The following LRRN3 variants were observed in gnomAD, a reference collection of about 807,000 sequenced individuals.
The protein encoded by LRRN3 is leucine-rich repeat neuronal protein 3.
A neutral mutation model predicts 40.1 loss-of-function variants in LRRN3; 15 were observed. The ratio of observed to expected loss-of-function variants is 0.37; its 90% CI spans 0.25 to 0.58. The LOEUF is 0.58. LRRN3 is among the 20% of genes least tolerant of loss of function. The probability of loss-of-function intolerance (pLI) is 0.72; values close to 1 mark genes in which losing one functional copy is unlikely to be tolerated. For synonymous variants in LRRN3, 308 were observed against 297.2 expected (o/e 1.04, Z -0.37); for missense variants, 746 against 837.7 (o/e 0.89, Z 1.35).
chr7:111,103,111 A>C (rs1798159120), intron 2 of LRRN3, among the ~76,000 whole-genome samples: 1 of 151,618 alleles, frequency 6.6e-6, no homozygotes, highest in South Asian at 2.1e-4. Flanking sequence ...AGTACTAATG[A>C]ATGTTGTTAA....
At chr7:111,103,024 C>CT (rs1362263323) in intron 2 of LRRN3, among the ~76,000 whole-genome samples, 1 of 151,496 alleles carries the variant, frequency 6.6e-6, no homozygotes, top group East Asian at 1.9e-4. Context: ...TTTTTTAAGA[C>CT]TACAGTGTCC....
At chr7:111,114,262 G>A (rs1799579392) in intron 2 of LRRN3, among the ~76,000 whole-genome samples, 1 of 151,966 alleles carries the variant, frequency 6.6e-6, no homozygotes, top group Non-Finnish European at 1.5e-5. Context: ...AATTTGTACA[G>A]CTCCTAAGGA....
chr7:111,105,150 A>G (rs1425209905), intron 2 of LRRN3, among the ~76,000 whole-genome samples: 1 of 151,850 alleles, frequency 6.6e-6, no homozygotes, highest in East Asian at 1.9e-4. Context: ...GTTTTCAAAT[A>G]AAATAACCAC....
chr7:111,104,750 G>A (rs1798356708), intron 2 of LRRN3, among the ~76,000 whole-genome samples: 1 of 151,804 alleles, frequency 6.6e-6, no homozygotes, highest in Non-Finnish European at 1.5e-5. Flanking sequence ...TTCACAATAA[G>A]CTGTAAGCTA....
rs1251773829 is a variant in LRRN3 at position 111,124,591 on chromosome 7, G to A, written c.1819G>A (p.Val607Ile). The A allele has an allele frequency of 5.0e-6, 8 of 1,613,770 alleles. No individual in the cohort carries two copies. Among genetic ancestry groups the A allele is most frequent in the Non-Finnish European group, 6.8e-6 (8 of 1,179,984 alleles). The change falls in exon 3 of 3, where the codon GTA (valine) becomes ATA (isoleucine). Residue 607 changes from valine to isoleucine, a missense_variant. Val to Ile is a conservative substitution (Grantham distance 29). Transcript: ENST00000308478. ...TIYQKNRKKCVNVTTKGLHPD... is the reference protein window; with the variant it reads ...TIYQKNRKKCINVTTKGLHPD... The stretch of plus-strand genomic sequence containing the variant: ...CTATCAGAAAAACAGAAAAAAATGT[G>A]TAAATGTCACCACCAAAGGTTTGCA...
At chr7:111,096,709 G>A (rs1219450155) in intron 1 of LRRN3, among the ~76,000 whole-genome samples, 2 of 151,774 alleles carry the variant, frequency 1.3e-5, no homozygotes, top group Admixed American at 1.3e-4. Flanking sequence ...TAAAAATTAT[G>A]AACAAAGTCT....
At chr7:111,101,433 G>A (rs1797963540) in intron 2 of LRRN3, among the ~76,000 whole-genome samples, 1 of 151,536 alleles carries the variant, frequency 6.6e-6, no homozygotes, top group African/African-American at 2.4e-5. Context: ...ATCTGTGAGA[G>A]TAACACCTAA....
intron 2 of LRRN3, among the ~76,000 whole-genome samples, 193 bp downstream of exon 2, chr7:111,100,155 T>A (rs1797819390): frequency 6.6e-6 from 1 of 151,610 alleles, no homozygotes; most frequent in African/African-American, 2.4e-5. Context: ...CAATAGCTTT[T>A]TGGGAAACAG....
At chr7:111,120,798 T>A (rs1800504287) in intron 2 of LRRN3, among the ~76,000 whole-genome samples, 1 of 152,126 alleles carries the variant, frequency 6.6e-6, no homozygotes, top group Non-Finnish European at 1.5e-5. Flanking sequence ...TACCACTACA[T>A]CTAGCTTACT....
At chr7:111,114,697 A>G (rs1278441804) in intron 2 of LRRN3, among the ~76,000 whole-genome samples, 1 of 148,794 alleles carries the variant, frequency 6.7e-6, no homozygotes. Context: ...CCGAGATCGC[A>G]CCACTGCCCT....
chr7:111,100,599 A>C lies in LRRN3; in HGVS notation c.-359+637A>C, dbSNP rs10239982. Among the ~76,000 whole-genome samples, 1,469 of 151,058 alleles carry C rather than the reference A, an allele frequency of 9.7e-3. 24 individuals are homozygous for C. The highest frequency in any genetic ancestry group is 0.033 in the African/African-American group (1,364 of 41,404). On this transcript the variant is annotated intron_variant, in intron 2 of 2. Coordinates refer to ENST00000308478, the MANE Select transcript of LRRN3 (RefSeq NM_001099658.2). ...CACTTAATATAATTCAACTAATCTA[A>C]AAGTATTACTTGTGGATTTTCTACT...
chr7:111,118,403 A>C (rs1800150571), intron 2 of LRRN3, among the ~76,000 whole-genome samples: 1 of 152,114 alleles, frequency 6.6e-6, no homozygotes. Context: ...TTTTCACATA[A>C]AGAAATCTCA....
At chr7:111,122,188 G>A (rs948672857) in intron 2 of LRRN3, among the ~76,000 whole-genome samples, 10 of 151,676 alleles carry the variant, frequency 6.6e-5, no homozygotes, top group Non-Finnish European at 1.2e-4. Context: ...AAACCTGCAC[G>A]TTGTGCACAT....
chr7:111,124,965 C>A lies in LRRN3; in HGVS notation c.*66C>A. ...AAAAAAGCGAAAGACTGCAGTTGTG[C>A]TAAAAACAAAACAAAACAAACAAAC... is the stretch of plus-strand genomic sequence containing the variant. On this transcript the variant is annotated 3_prime_UTR_variant, in exon 3 of 3. Coordinates refer to ENST00000308478, the MANE Select transcript of LRRN3 (RefSeq NM_001099658.2). 1 of 1,124,322 alleles carries A rather than the reference C, an allele frequency of 8.9e-7. No individual in the cohort carries two copies. The highest frequency in any genetic ancestry group is 1.3e-6 in the Non-Finnish European group (1 of 798,850). The allele number at this position is 1,124,322 out of a possible 1,614,324, so 69.6% of individuals were successfully genotyped here. A position where few individuals can be genotyped will look rare whatever the true frequency, so the allele number is the denominator to read the frequency against.
At chr7:111,093,719 T>C (rs1797104715) in intron 1 of LRRN3, among the ~76,000 whole-genome samples, 1 of 152,140 alleles carries the variant, frequency 6.6e-6, no homozygotes, top group African/African-American at 2.4e-5. Context: ...TGCCACTCAG[T>C]GTGTGCCAGT....
chr7:111,093,210 T>C (rs1321314941), intron 1 of LRRN3, among the ~76,000 whole-genome samples: 1 of 152,132 alleles, frequency 6.6e-6, no homozygotes, highest in East Asian at 1.9e-4. Flanking sequence ...CAGAGAAAAA[T>C]GAAAGGTGCT....
chr7:111,096,516 A>AAC (rs1554515038), intron 1 of LRRN3, among the ~76,000 whole-genome samples: 1 of 151,254 alleles, frequency 6.6e-6, no homozygotes, highest in Non-Finnish European at 1.5e-5. Context: ...TTTAAAAAAA[A>AAC]AAAAACAAAA....
intron 2 of LRRN3, among the ~76,000 whole-genome samples, chr7:111,101,349 G>A (rs1797955899): frequency 6.6e-6 from 1 of 151,308 alleles, no homozygotes; most frequent in African/African-American, 2.4e-5. Context: ...GATACAACAA[G>A]CAGAATCATA....
chr7:111,111,663 C>G (rs1348649745), intron 2 of LRRN3, among the ~76,000 whole-genome samples: 4 of 151,938 alleles, frequency 2.6e-5, no homozygotes, highest in Admixed American at 2.6e-4. Context: ...TAATGTCCCC[C>G]CCTGCGTCAA....
Sources: gnomAD v4.1 joint callset for allele counts (sites outside exome capture counted in the v4.1 genomes callset) on GRCh38, gnomAD v4.1.1 for gene constraint, MANE v1.5 for transcripts, NCBI Gene and HGNC (gene_info 2026-07-23, HGNC 2026-07-21) for gene names.